ZC3H12C: variants seen among roughly 807,000 people sequenced by gnomAD.
ZC3H12C encodes probable ribonuclease ZC3H12C.
Under a neutral mutation model 76.3 loss-of-function variants are expected in ZC3H12C, and 20 were observed. The observed-to-expected ratio is 0.26, with a 90% CI of 0.18 to 0.38. The LOEUF (loss-of-function observed/expected upper bound fraction) is 0.38, where lower values mean the gene tolerates loss of function less well. Ranked by LOEUF, ZC3H12C falls within the 10% of genes least tolerant of loss-of-function variation. ZC3H12C has a pLI of 1.00. For synonymous variants in ZC3H12C, 352 were observed against 399.6 expected (o/e 0.88, Z 1.42); for missense variants, 874 against 1,086.5 (o/e 0.80, Z 2.75).
At chr11:110,159,042 T>A (rs1670407302) in intron 3 of ZC3H12C, among the ~76,000 whole-genome samples, 1 of 151,992 alleles carries the variant, frequency 6.6e-6, no homozygotes, top group African/African-American at 2.4e-5. Context: ...CGTATTTTTT[T>A]AACTAGTTTT....
intron 2 of ZC3H12C, among the ~76,000 whole-genome samples, chr11:110,146,787 T>TGAGACAA (rs150233039): frequency 0.016 from 2,388 of 152,292 alleles, 56 homozygotes; most frequent in African/African-American, 0.053. Flanking sequence ...TGCCAATACC[T>TGAGACAA]GAGAAACTTG....
At chr11:110,100,765 T>C (rs184912952) in intron 1 of ZC3H12C, among the ~76,000 whole-genome samples, 5 of 152,284 alleles carry the variant, frequency 3.3e-5, no homozygotes, top group Admixed American at 2.0e-4. Context: ...CTTCCTCTTC[T>C]CAGCCCCACT....
At chr11:110,107,129 G>A (rs17110734) in intron 1 of ZC3H12C, among the ~76,000 whole-genome samples, 4,927 of 152,254 alleles carry the variant, frequency 0.032, 155 homozygotes, top group East Asian at 0.087. Flanking sequence ...AAATCCCTAA[G>A]TATCTTTTGT....
intron 1 of ZC3H12C, among the ~76,000 whole-genome samples, chr11:110,102,627 G>A (rs1450935498): frequency 2.0e-5 from 3 of 152,174 alleles, no homozygotes; most frequent in Admixed American, 1.3e-4. Flanking sequence ...GCAGTGGCAA[G>A]GTTTGAGAGC....
intron 1 of ZC3H12C, among the ~76,000 whole-genome samples, chr11:110,117,879 T>TATATATACACACAC (rs1861570423): frequency 4.0e-5 from 1 of 24,838 alleles, no homozygotes; most frequent in Admixed American, 3.2e-4. Flanking sequence ...TACACACACA[T>TATATATACACACAC]ATATATATTA....
intron 5 of ZC3H12C, among the ~76,000 whole-genome samples, chr11:110,163,755 T>C (rs1227076514): frequency 6.6e-6 from 1 of 152,146 alleles, no homozygotes; most frequent in Non-Finnish European, 1.5e-5. Context: ...AAAGTCCTAC[T>C]GGAAGACAAG....
Position 110,159,323 on chromosome 11 carries a change from G to C in ZC3H12C, c.981G>C (p.Gln327His). ...TGTTCACGCCATCCCGGCGAGTCCA[G>C]GGGAGGAGAGTGGTGTGCTATGACG... ...ILVFTPSRRVQGRRVVCYDDR... is the reference protein window; with the variant it reads ...ILVFTPSRRVHGRRVVCYDDR... The change falls in exon 4 of 6, where the codon CAG becomes CAC. Residue 327 changes from glutamine (Q) to histidine (H), a missense_variant. Around this residue, in one of 3 missense-constraint regions of ZC3H12C, gnomAD observed 269 missense variants for 424.9 expected, o/e 0.63. Transcript: ENST00000278590. The C allele has an allele frequency of 6.2e-7, 1 of 1,613,982 alleles. No individual in the cohort carries two copies. Among genetic ancestry groups the C allele is most frequent in the Non-Finnish European group, 8.5e-7 (1 of 1,179,976 alleles).
intron 3 of ZC3H12C, among the ~76,000 whole-genome samples, chr11:110,154,518 C>G (rs532949972): frequency 6.6e-6 from 1 of 152,204 alleles, no homozygotes; most frequent in South Asian, 2.1e-4. Context: ...CATCATTCAA[C>G]CAGTAGTACC....
chr11:110,155,180 T>TA lies in ZC3H12C; in HGVS notation c.913+2123dup, dbSNP rs889519500. Among the ~76,000 whole-genome samples, 28 of 151,872 alleles carry TA rather than the reference T, an allele frequency of 1.8e-4. 1 individual carries two copies. Among genetic ancestry groups the TA allele is most frequent in the African/African-American group, 6.8e-4 (28 of 41,366 alleles). On this transcript the variant is annotated intron_variant, in intron 3 of 5. Transcript: ENST00000278590. ...GGCGGGCACCTGTAATCCCAGCTAT[T>TA]AGGGAGGCTGAGACAAGAATTGCTT... is the stretch of plus-strand genomic sequence containing the variant.
chr11:110,104,872 TACTC>T (rs1181599763), intron 1 of ZC3H12C, among the ~76,000 whole-genome samples: 2 of 152,238 alleles, frequency 1.3e-5, no homozygotes, highest in African/African-American at 4.8e-5. Context: ...CTTTTCTACT[TACTC>T]ATTGGCTCTT....
chr11:110,134,661 T>C (rs1329081693), intron 1 of ZC3H12C, among the ~76,000 whole-genome samples: 2 of 152,194 alleles, frequency 1.3e-5, no homozygotes, highest in Non-Finnish European at 2.9e-5. Flanking sequence ...AACTTCATAA[T>C]GAAGCAGATG....
rs1220889553 is a variant in ZC3H12C, at chr11:110,136,686, G to A, written c.45G>A (p.Gln15=). ...GSQEYGVLCI[Q]EYRKNSKVES... Reference sequence around the variant, plus strand: ...AGGAATACGGGGTGCTTTGCATTCAGGAATACAGAAAAAACAGCAAAGTGG... The same window carrying A: ...AGGAATACGGGGTGCTTTGCATTCAAGAATACAGAAAAAACAGCAAAGTGG... Residue 15 remains glutamine, a synonymous_variant, in exon 2 of 6, where the codon CAG becomes CAA. Coordinates refer to ENST00000278590, the MANE Select transcript of ZC3H12C (RefSeq NM_033390.2). The A allele has an allele frequency of 6.2e-7, 1 of 1,613,652 alleles. No homozygotes were observed. The highest frequency in any genetic ancestry group is 8.5e-7 in the Non-Finnish European group (1 of 1,179,796).
chr11:110,138,698 C>T (rs112887890), intron 2 of ZC3H12C, among the ~76,000 whole-genome samples: 4,434 of 151,940 alleles, frequency 0.029, 94 homozygotes, highest in East Asian at 0.1. Flanking sequence ...GCTGGGACTC[C>T]AGGCACATGC....
intron 1 of ZC3H12C, among the ~76,000 whole-genome samples, chr11:110,098,672 T>C (rs552588773): frequency 6.2e-4 from 94 of 152,224 alleles, no homozygotes; most frequent in Admixed American, 2.2e-3. Context: ...CAAAGACTTA[T>C]TGTGTTACAG....
chr11:110,131,194 C>A, intron 1 of ZC3H12C: 1 of 1,019,800 alleles, frequency 9.8e-7, no homozygotes, highest in Non-Finnish European at 1.5e-6. Flanking sequence ...AAGAAATCAC[C>A]TCCAATGAAA....
At chr11:110,094,149 A>C (rs1861069239) in intron 1 of ZC3H12C, among the ~76,000 whole-genome samples, 3 of 152,230 alleles carry the variant, frequency 2.0e-5, no homozygotes. Flanking sequence ...AAACAGCCCT[A>C]ACATCCAAGT....
At chr11:110,161,849 T>C (rs188646864) in intron 4 of ZC3H12C, among the ~76,000 whole-genome samples, 45 of 152,268 alleles carry the variant, frequency 3.0e-4, no homozygotes, top group Non-Finnish European at 6.0e-4. Flanking sequence ...AAAAGAATTA[T>C]GCCAGGTGTG....
intron 2 of ZC3H12C, among the ~76,000 whole-genome samples, chr11:110,141,234 A>G (rs1249403283): frequency 3.3e-5 from 5 of 152,172 alleles, no homozygotes; most frequent in African/African-American, 1.2e-4. Flanking sequence ...TATAGATTAT[A>G]TAGAGTCAGA....
chr11:110,111,697 ATTT>A (rs11387069), intron 1 of ZC3H12C, among the ~76,000 whole-genome samples: 3 of 132,034 alleles, frequency 2.3e-5, no homozygotes, highest in Non-Finnish European at 3.2e-5. Flanking sequence ...GGCCTGACTG[ATTT>A]TTTTTTTTTT....
Sources: allele counts gnomAD v4.1 joint callset (sites outside exome capture counted in the v4.1 genomes callset), GRCh38; gene constraint gnomAD v4.1.1; regional missense constraint gnomAD v4.1.1; transcripts MANE v1.5; gene names NCBI Gene and HGNC (gene_info 2026-07-23, HGNC 2026-07-21).